The following NCOA7 variants were observed in gnomAD, a reference collection of about 807,000 sequenced individuals.
NCOA7 encodes 140 kDa estrogen receptor-associated protein.
Under a neutral mutation model 104.3 loss-of-function variants are expected in NCOA7, and 45 were observed. That is an observed-to-expected ratio of 0.43 (90% CI 0.34 to 0.55). NCOA7 has a LOEUF of 0.55. NCOA7 is among the 20% of genes least tolerant of loss of function. The pLI is 0.02. For synonymous variants in NCOA7, 398 were observed against 402.3 expected (o/e 0.99, Z 0.13); for missense variants, 1,041 against 1,119.7 (o/e 0.93, Z 1.00).
intron 2 of NCOA7, among the ~76,000 whole-genome samples, chr6:125,840,863 G>A (rs1251423800): frequency 8.1e-5 from 6 of 73,650 alleles, no homozygotes; most frequent in African/African-American, 3.7e-4. Flanking sequence ...TTTTTTGTTT[G>A]GTTGGTTTTT....
chr6:125,860,275 T>C (rs1192701912), intron 3 of NCOA7, among the ~76,000 whole-genome samples: 3 of 152,258 alleles, frequency 2.0e-5, no homozygotes, highest in African/African-American at 7.2e-5. Flanking sequence ...TTTATAAATG[T>C]ATTAAAAGAT....
At chr6:125,917,271 G>C (rs1487744706) in intron 11 of NCOA7, among the ~76,000 whole-genome samples, 1 of 152,106 alleles carries the variant, frequency 6.6e-6, no homozygotes, top group Non-Finnish European at 1.5e-5. Context: ...TGTAGGGTAA[G>C]TTTTAAGCTC....
intron 6 of NCOA7, among the ~76,000 whole-genome samples, chr6:125,881,700 G>A (rs1427347956): frequency 6.9e-6 from 1 of 145,656 alleles, no homozygotes; most frequent in Non-Finnish European, 1.5e-5. Flanking sequence ...AGGCAAAAAT[G>A]CATGCCTTGT....
chr6:125,857,084 A>G (rs1181874447), intron 3 of NCOA7, among the ~76,000 whole-genome samples: 1 of 152,210 alleles, frequency 6.6e-6, no homozygotes, highest in Non-Finnish European at 1.5e-5. Flanking sequence ...GATGTTTTTA[A>G]TCTCAAGCTA....
At position 125,906,690 on chromosome 6, in the gene NCOA7, T is replaced by A. The variant is rs534025993; in HGVS notation, c.2097-8643T>A. Among the ~76,000 whole-genome samples, 133 of 151,588 alleles carry A rather than the reference T, an allele frequency of 8.8e-4. 1 individual carries two copies. Among genetic ancestry groups the A allele is most frequent in the African/African-American group, 3.2e-3 (133 of 41,284 alleles). The stretch of plus-strand genomic sequence containing the variant: ...ACTGGGGAGAGAGGAGGAAGAGGGG[T>A]CAGGGCGGGAGCATAGCTGGTATAG... On this transcript the variant is annotated intron_variant, in intron 10 of 15. Transcript: ENST00000392477.
At chr6:125,853,987 T>C (rs911469929) in intron 2 of NCOA7, among the ~76,000 whole-genome samples, 5 of 152,192 alleles carry the variant, frequency 3.3e-5, no homozygotes, top group African/African-American at 1.2e-4. Flanking sequence ...CCTACAGTTA[T>C]CTCATTTTTC....
intron 3 of NCOA7, among the ~76,000 whole-genome samples, chr6:125,870,595 A>G (rs1456488314): frequency 1.3e-5 from 2 of 152,306 alleles, no homozygotes; most frequent in African/African-American, 2.4e-5. Context: ...GCTTCATCCA[A>G]GACTTCAGTA....
chr6:125,810,833 A>G (rs1052252314), intron 1 of NCOA7, among the ~76,000 whole-genome samples: 2 of 152,222 alleles, frequency 1.3e-5, no homozygotes, highest in African/African-American at 4.8e-5. Context: ...AAAGATTAGC[A>G]TATTTTTCAT....
At chr6:125,793,023 A>G (rs1404192328) in intron 1 of NCOA7, among the ~76,000 whole-genome samples, 1 of 152,178 alleles carries the variant, frequency 6.6e-6, no homozygotes, top group Non-Finnish European at 1.5e-5. Flanking sequence ...TTTACACAAT[A>G]TGGTAGGCCA....
chr6:125,899,927 C>T, intron 10 of NCOA7: 2 of 524,330 alleles, frequency 3.8e-6, no homozygotes, highest in Admixed American at 3.9e-5. Context: ...GGTGGCGGAG[C>T]AAGCTTGGAG....
chr6:125,922,783 G>T lies in NCOA7; in HGVS notation c.2472G>T (p.Ser824=). The T allele has an allele frequency of 6.2e-7, 1 of 1,614,064 alleles. No individual in the cohort carries two copies. ...GTSLKTLYRK[S]ASLDSPVLLV... is the part of the protein sequence containing the mutation. ...GCTTAAAGACGCTCTACCGGAAATC[G>T]GCATCACTAGACAGTCCTGTCCTAT... Residue 824 remains serine, a synonymous_variant, in exon 13 of 16, where the codon TCG becomes TCT. Transcript: ENST00000392477.
rs2128679096 is a variant in NCOA7 at position 125,907,461 on chromosome 6, A to ACC, written c.2097-7872_2097-7871insCC. Among the ~76,000 whole-genome samples the ACC allele has an allele frequency of 2.6e-5, 4 of 152,304 alleles. No individual in the cohort carries two copies. In the East Asian group the frequency reaches 7.7e-4, roughly 29 times the overall value. ...GCTCCGGTGGTGCTGTGAGTCCCTC[A>ACC]TCAGCGGAAGGTGCAGGAGCGGGAA... is the stretch of plus-strand genomic sequence containing the variant. On this transcript the variant is annotated intron_variant, in intron 10 of 15. Coordinates refer to ENST00000392477, the MANE Select transcript of NCOA7 (RefSeq NM_181782.5).
chr6:125,855,262 G>T (rs760859997), intron 3 of NCOA7, 22 bp downstream of exon 3: 1 of 1,525,054 alleles, frequency 6.6e-7, no homozygotes, highest in Non-Finnish European at 9.0e-7. Context: ...TGGCGTTACT[G>T]CAGTATTTTC....
intron 3 of NCOA7, among the ~76,000 whole-genome samples, chr6:125,869,801 AAG>A (rs753777001): frequency 2.0e-5 from 3 of 152,290 alleles, no homozygotes; most frequent in South Asian, 4.1e-4. Flanking sequence ...GCCCACTTCC[AAG>A]AGAGAGAAAA....
chr6:125,897,850 T>A (rs1785169464), intron 10 of NCOA7, among the ~76,000 whole-genome samples: 2 of 152,332 alleles, frequency 1.3e-5, no homozygotes, highest in South Asian at 4.1e-4. Context: ...TGGTTAATTT[T>A]TGCATTTTAG....
chr6:125,798,514 A>G (rs1296440586), intron 1 of NCOA7, among the ~76,000 whole-genome samples: 2 of 152,234 alleles, frequency 1.3e-5, no homozygotes, highest in African/African-American at 4.8e-5. Flanking sequence ...TTTGAGAAAA[A>G]TTCAACAGTA....
intron 10 of NCOA7, among the ~76,000 whole-genome samples, chr6:125,897,386 T>G (rs958307134): frequency 3.3e-5 from 5 of 152,236 alleles, no homozygotes; most frequent in African/African-American, 1.2e-4. Flanking sequence ...GTTTCATAGT[T>G]AAATATGTTT....
intron 3 of NCOA7, among the ~76,000 whole-genome samples, chr6:125,867,936 A>T (rs1035294126): frequency 1.3e-5 from 2 of 152,164 alleles, no homozygotes; most frequent in African/African-American, 4.8e-5. Context: ...TTTCGGTAAT[A>T]AGCCCGCTTC....
At position 125,881,179 on chromosome 6, in the gene NCOA7, AG is replaced by A. The variant is rs750171258; in HGVS notation, c.550del (p.Asp184MetfsTer12). 6.2e-7 allele frequency: 1 copy of A among 1,612,694 alleles called. No individual in the cohort carries two copies. The highest frequency in any genetic ancestry group is 8.5e-7 in the Non-Finnish European group (1 of 1,178,784). On this transcript the variant is annotated frameshift_variant, in exon 6 of 16. Transcript: ENST00000392477. LOFTEE classifies it high-confidence loss of function. ...GTGCTACTGTCTCTCCTTCATCATC[AG>A]ATGCAGAATATGATAAATTGCCTGT... ...PGATVSPSSS[D>X]AEYDKLPDAD...
Sources: gnomAD v4.1 joint callset for allele counts (sites outside exome capture counted in the v4.1 genomes callset) on GRCh38, gnomAD v4.1.1 for gene constraint, MANE v1.5 for transcripts, NCBI Gene and HGNC (gene_info 2026-07-23, HGNC 2026-07-21) for gene names.